Variants in CHDH observed in about 807,000 individuals in gnomAD.
CHDH encodes the protein choline dehydrogenase, mitochondrial.
CHDH carries 43 observed loss-of-function variants against 56.9 expected under a neutral mutation model. That is an observed-to-expected ratio of 0.76 (90% CI 0.59 to 0.97). CHDH has a LOEUF of 0.97. Ranked by LOEUF, CHDH falls within the 50% of genes least tolerant of loss-of-function variation. CHDH has a pLI of 0.00. For missense variants in CHDH, 816 were observed against 821.1 expected (o/e 0.99, Z 0.08); for synonymous variants, 364 against 348.5 (o/e 1.04, Z -0.50).
rs923557924 is a variant in CHDH, at chr3:53,834,087, T to C, written c.-60+6842A>G. 2.6e-5 allele frequency among the ~76,000 whole-genome samples: 4 copies of C among 152,120 alleles called. No individual in the cohort carries two copies. The East Asian group carries it at 5.8e-4, about 22-fold the overall frequency. Reference sequence around the variant, plus strand: ...ACCACGTCCTACTGGTTATGGCTGGTGGCTTTCATTGCCATAGCCCTTTGT... The same window carrying C: ...ACCACGTCCTACTGGTTATGGCTGGCGGCTTTCATTGCCATAGCCCTTTGT... On this transcript the variant is annotated intron_variant, in intron 2 of 8. Coordinates refer to ENST00000315251, the MANE Select transcript of CHDH (RefSeq NM_018397.5).
chr3:53,823,025 A>G (rs769592257), intron 3 of CHDH, among the ~76,000 whole-genome samples: 4 of 151,940 alleles, frequency 2.6e-5, no homozygotes, highest in Non-Finnish European at 5.9e-5. Context: ...TCCCTAGAGG[A>G]GTTAGGCTCT....
At chr3:53,828,755 G>A (rs929582102) in intron 2 of CHDH, among the ~76,000 whole-genome samples, 3 of 152,294 alleles carry the variant, frequency 2.0e-5, no homozygotes, top group East Asian at 1.9e-4. Context: ...ATCACATGCT[G>A]ACAAGGATGT....
In CHDH at chr3:53,823,772, C is replaced by T. The variant is rs750474066; in HGVS notation, c.237G>A (p.Ala79=). 7.7e-6 allele frequency: 12 copies of T among 1,564,622 alleles called. No individual in the cohort carries two copies. The highest frequency in any genetic ancestry group is 6.9e-6 in the Non-Finnish European group (8 of 1,156,644). Residue 79 remains alanine, a synonymous_variant, in exon 3 of 9, where the codon GCG becomes GCA. Coordinates refer to ENST00000315251, the MANE Select transcript of CHDH (RefSeq NM_018397.5). ...LLEAGPKDVL[A]GSKRLSWKIH... ...TCTTCCACGAGAGCCGCTTGCTCCC[C>T]GCGAGCACGTCCTTGGGCCCGGCCT...
intron 2 of CHDH, among the ~76,000 whole-genome samples, chr3:53,830,689 G>T (rs898636744): frequency 1.3e-5 from 2 of 152,086 alleles, no homozygotes; most frequent in Admixed American, 1.3e-4. Flanking sequence ...TACAACAAGA[G>T]AATATACATT....
At chr3:53,838,343 A>G (rs1316213756) in intron 2 of CHDH, among the ~76,000 whole-genome samples, 2 of 152,012 alleles carry the variant, frequency 1.3e-5, no homozygotes, top group Non-Finnish European at 2.9e-5. Flanking sequence ...AGACTAGGGG[A>G]TGGGGGATAC....
At chr3:53,829,628 A>G (rs1576793179) in intron 2 of CHDH, among the ~76,000 whole-genome samples, 1 of 152,320 alleles carries the variant, frequency 6.6e-6, no homozygotes, top group African/African-American at 2.4e-5. Context: ...TTCAAGCTCC[A>G]TCCCTCCCTC....
In CHDH at chr3:53,817,465, A is replaced by G. The variant is rs2095617831; in HGVS notation, c.*312T>C. The stretch of plus-strand genomic sequence containing the variant: ...GGGTTAGAGAATGCCACGTGAACAC[A>G]AGAAAAAGGATGCGGCAGGAGTTAA... On this transcript the variant is annotated 3_prime_UTR_variant, in exon 9 of 9. Coordinates refer to ENST00000315251, the MANE Select transcript of CHDH (RefSeq NM_018397.5). 1 of 351,764 alleles carries G rather than the reference A, an allele frequency of 2.8e-6. No individual in the cohort carries two copies. Among genetic ancestry groups the G allele is most frequent in the Non-Finnish European group, 5.1e-6 (1 of 194,496 alleles). 21.8% of individuals were successfully genotyped at this position (351,764 alleles called of 1,614,324 possible). A position where few individuals can be genotyped will look rare whatever the true frequency, so the allele number is the denominator to read the frequency against.
At position 53,817,196 on chromosome 3, in the gene CHDH, CTG is replaced by C. The variant is rs1394367297; in HGVS notation, c.*579_*580del. On this transcript the variant is annotated 3_prime_UTR_variant, in exon 9 of 9. Transcript: ENST00000315251. ...TGGAGCCCCAGTTACCTGCCTCACT[CTG>C]AGAGTGAAATTAGGCAGCGAGAAAG... The C allele has an allele frequency of 6.5e-6, 1 of 153,976 alleles. No individual in the cohort carries two copies. The highest frequency in any genetic ancestry group is 1.4e-5 in the Non-Finnish European group (1 of 69,348). The allele number at this position is 153,976 out of a possible 1,614,324, so 9.5% of individuals were successfully genotyped here.
Position 53,819,138 on chromosome 3 carries a change from A to G in CHDH, c.1264-98T>C. The G allele has an allele frequency of 1.2e-6, 1 of 807,414 alleles. No individual in the cohort carries two copies. Among genetic ancestry groups the G allele is most frequent in the East Asian group, 2.5e-5 (1 of 40,650 alleles). The allele number at this position is 807,414 out of a possible 1,614,324, so 50.0% of individuals were successfully genotyped here. On this transcript the variant is annotated intron_variant, in intron 7 of 8. Transcript: ENST00000315251. This position sits in a 1 kb window ranked among gnomAD's most constrained non-coding sequence, Gnocchi z 5.4. ...ACCTGTAGGGTGGGCCTCTGCTTCC[A>G]GAATCAGTGGGGAACAGATGCATGT...
chr3:53,824,075 A>T lies in CHDH; in HGVS notation c.-59-8T>A. 1 of 1,355,938 alleles carries T rather than the reference A, an allele frequency of 7.4e-7. No individual in the cohort carries two copies. The highest frequency in any genetic ancestry group is 9.6e-7 in the Non-Finnish European group (1 of 1,043,830). The allele number at this position is 1,355,938 out of a possible 1,614,324, so 84.0% of individuals were successfully genotyped here. A position where few individuals can be genotyped will look rare whatever the true frequency, so the allele number is the denominator to read the frequency against. On this transcript the variant is annotated splice_polypyrimidine_tract_variant and splice_region_variant and intron_variant, in intron 2 of 8. Transcript: ENST00000315251. Reference sequence around the variant, plus strand: ...GAGATGACTCACTTCTCCCTAAAACAGGAAGAGGGGCTTTAAAAATCTTAA... The same window carrying T: ...GAGATGACTCACTTCTCCCTAAAACTGGAAGAGGGGCTTTAAAAATCTTAA...
At position 53,820,454 on chromosome 3, in the gene CHDH, T is replaced by C; in HGVS notation, c.1120+20A>G. Reference sequence around the variant, plus strand: ...TGCTTATAGGCAGTCTCCTCCCAGGTTACTGGTAAGCGTGCTCACCTGTGA... The same window carrying C: ...TGCTTATAGGCAGTCTCCTCCCAGGCTACTGGTAAGCGTGCTCACCTGTGA... On this transcript the variant is annotated intron_variant, in intron 6 of 8. Transcript: ENST00000315251. 1 of 1,600,212 alleles carries C rather than the reference T, an allele frequency of 6.2e-7. No individual in the cohort carries two copies. Among genetic ancestry groups the C allele is most frequent in the Non-Finnish European group, 8.5e-7 (1 of 1,173,322 alleles).
chr3:53,829,875 G>C (rs113118701), intron 2 of CHDH, among the ~76,000 whole-genome samples: 4,986 of 152,248 alleles, frequency 0.033, 129 homozygotes, highest in Middle Eastern at 0.058. Flanking sequence ...TAAACCTTAT[G>C]GTAGCCACTT....
In CHDH at chr3:53,817,591, G is replaced by A. The variant is rs1351263006; in HGVS notation, c.*186C>T. 3 of 568,624 alleles carry A rather than the reference G, an allele frequency of 5.3e-6. No homozygotes were observed. The highest frequency in any genetic ancestry group is 5.8e-5 in the East Asian group (2 of 34,336). The allele number at this position is 568,624 out of a possible 1,614,324, so 35.2% of individuals were successfully genotyped here. On this transcript the variant is annotated 3_prime_UTR_variant, in exon 9 of 9. Coordinates refer to ENST00000315251, the MANE Select transcript of CHDH (RefSeq NM_018397.5). ...CACAGGGAAAGGCTGGGGAAAAGGAGCTGGATTCACTGCCCAGTACTTGTC... is the reference window on the plus strand; with the variant it reads ...CACAGGGAAAGGCTGGGGAAAAGGAACTGGATTCACTGCCCAGTACTTGTC...
intron 2 of CHDH, among the ~76,000 whole-genome samples, chr3:53,827,439 G>GTAGTTCTT (rs1263798614): frequency 1.3e-5 from 2 of 151,998 alleles, no homozygotes; most frequent in Admixed American, 1.3e-4. Flanking sequence ...CTAGTCTCAG[G>GTAGTTCTT]TAGTTCTTTA....
rs1222658431 is a variant in CHDH at position 53,817,648 on chromosome 3, C to T, written c.*129G>A. ...CCCAAGACTTTATCCAATTCTCAGC[C>T]ACTGAGTAGGGTACCACCTGGGTCC... On this transcript the variant is annotated 3_prime_UTR_variant, in exon 9 of 9. Transcript: ENST00000315251. The T allele has an allele frequency of 1.8e-5, 13 of 711,984 alleles. No homozygotes were observed. Among genetic ancestry groups the T allele is most frequent in the East Asian group, 5.4e-5 (2 of 36,772 alleles). 44.1% of individuals were successfully genotyped at this position (711,984 alleles called of 1,614,324 possible). A position where few individuals can be genotyped will look rare whatever the true frequency, so the allele number is the denominator to read the frequency against.
rs1355100735 is a variant in CHDH at position 53,823,489 on chromosome 3, C to T, written c.520G>A (p.Glu174Lys). The change falls in exon 3 of 9, where the codon GAG (glutamate) becomes AAG (lysine). Residue 174 changes from glutamate to lysine, a missense_variant. Glu to Lys is a moderately conservative substitution (Grantham distance 56). Coordinates refer to ENST00000315251, the MANE Select transcript of CHDH (RefSeq NM_018397.5). The stretch of plus-strand genomic sequence containing the variant: ...CCCCGGTACCGGCTGGCGCCCAGCT[C>T]GTGGCCCTGCGCCTTGCGGAAGTAG... ...LPYFRKAQGH[E>K]LGASRYRGAD... is the part of the protein sequence containing the mutation. The T allele has an allele frequency of 6.5e-7, 1 of 1,543,608 alleles. No homozygotes were observed. Among genetic ancestry groups the T allele is most frequent in the Non-Finnish European group, 8.7e-7 (1 of 1,145,630 alleles).
intron 2 of CHDH, among the ~76,000 whole-genome samples, chr3:53,839,124 A>T (rs1442156456): frequency 6.6e-6 from 1 of 152,220 alleles, no homozygotes; most frequent in Non-Finnish European, 1.5e-5. Context: ...GGGACTCACC[A>T]AGGTGACTTC....
At position 53,845,278 on chromosome 3, in the gene CHDH, A is replaced by C. The variant is rs28385733; in HGVS notation, c.-131+805T>G. ...CTGATCCCCAGTCCATGCAAGCCTT[A>C]ATCAAGCTGGCAGGTGGGCCAGGCC... is the stretch of plus-strand genomic sequence containing the variant. On this transcript the variant is annotated intron_variant, in intron 1 of 8. Transcript: ENST00000315251. Among the ~76,000 whole-genome samples the C allele has an allele frequency of 3.8e-3, 578 of 152,288 alleles. 4 individuals are homozygous for C. Among genetic ancestry groups the C allele is most frequent in the African/African-American group, 0.013 (541 of 41,550 alleles).
intron 1 of CHDH, among the ~76,000 whole-genome samples, chr3:53,842,157 G>A (rs1359320315): frequency 6.6e-6 from 1 of 151,502 alleles, no homozygotes; most frequent in East Asian, 1.9e-4. Flanking sequence ...AAAAAGAAAA[G>A]CGCAAAGCTA....
Sources: gnomAD v4.1 joint callset for allele counts (sites outside exome capture counted in the v4.1 genomes callset) on GRCh38, gnomAD v4.1.1 for gene constraint, Gnocchi (gnomAD v3.1) non-coding constraint, MANE v1.5 for transcripts, NCBI Gene and HGNC (gene_info 2026-07-23, HGNC 2026-07-21) for gene names.